Variants in KCNIP4 observed in about 807,000 individuals in gnomAD.
KCNIP4 encodes potassium voltage-gated channel interacting protein 4, also known as Kv channel-interacting protein 4.
A neutral mutation model predicts 34.0 loss-of-function variants in KCNIP4; 12 were observed. That is an observed-to-expected ratio of 0.35 (90% CI 0.23 to 0.57). The LOEUF is 0.57. Among genes scored for constraint, KCNIP4 ranks in the 20% least tolerant of loss-of-function variants. KCNIP4 has a pLI of 0.83. For missense variants in KCNIP4, 238 were observed against 311.7 expected (o/e 0.76, Z 1.78); for synonymous variants, 124 against 102.2 (o/e 1.21, Z -1.29).
At position 20,880,304 on chromosome 4, in the gene KCNIP4, T is replaced by G. The variant is rs556011042; in HGVS notation, c.163+2304A>C. ...ACATGAGAGACTTTTGCAAACATGA[T>G]AAACCATTCACCTTTCCAACCCTGG... On this transcript the variant is annotated intron_variant, in intron 2 of 8. Coordinates refer to ENST00000382152, the MANE Select transcript of KCNIP4 (RefSeq NM_025221.6). Among the ~76,000 whole-genome samples, 4 of 152,170 alleles carry G rather than the reference T, an allele frequency of 2.6e-5. No homozygotes were observed. The South Asian group carries it at 8.3e-4, about 32-fold the overall frequency.
At chr4:21,629,086 C>T (rs890274868) in intron 1 of KCNIP4, among the ~76,000 whole-genome samples, 2 of 152,074 alleles carry the variant, frequency 1.3e-5, no homozygotes, top group African/African-American at 4.8e-5. Flanking sequence ...TAGCAAGCCA[C>T]GAGAGGTAGG....
At chr4:21,239,447 A>C (rs1031704376) in intron 1 of KCNIP4, among the ~76,000 whole-genome samples, 21 of 151,820 alleles carry the variant, frequency 1.4e-4, no homozygotes, top group African/African-American at 4.8e-4. Context: ...CAACCTACAG[A>C]ATGGGAGAAA....
chr4:21,578,211 G>A (rs931193549), intron 1 of KCNIP4, among the ~76,000 whole-genome samples: 3 of 151,744 alleles, frequency 2.0e-5, no homozygotes, highest in Admixed American at 2.0e-4. Context: ...GCGGGCACCT[G>A]TAATCCCAGC....
At chr4:21,794,359 G>C (rs1468311958) in intron 1 of KCNIP4, among the ~76,000 whole-genome samples, 2 of 152,088 alleles carry the variant, frequency 1.3e-5, no homozygotes, top group African/African-American at 4.8e-5. Context: ...ATCCTGTCAG[G>C]GGCCACTTAC....
At chr4:20,937,375 T>C (rs1020060264) in intron 1 of KCNIP4, among the ~76,000 whole-genome samples, 3 of 151,438 alleles carry the variant, frequency 2.0e-5, no homozygotes, top group African/African-American at 7.3e-5. Flanking sequence ...GCTGGGACTA[T>C]AGGCGCCCGT....
At chr4:21,019,211 A>G (rs1739825311) in intron 1 of KCNIP4, among the ~76,000 whole-genome samples, 1 of 151,886 alleles carries the variant, frequency 6.6e-6, no homozygotes, top group Non-Finnish European at 1.5e-5. Context: ...GCTGGAGTGC[A>G]GTGGCGTGAT....
intron 3 of KCNIP4, among the ~76,000 whole-genome samples, chr4:20,826,589 A>AAAACAAACAAACAAAC (rs10687574): frequency 6.6e-6 from 1 of 150,838 alleles, no homozygotes; most frequent in African/African-American, 2.5e-5. Context: ...ACCTTGTCTC[A>AAAACAAACAAACAAAC]AAACAAACAA....
chr4:21,791,470 AAGG>A (rs1348573121), intron 1 of KCNIP4, among the ~76,000 whole-genome samples: 1 of 152,132 alleles, frequency 6.6e-6, no homozygotes, highest in African/African-American at 2.4e-5. Context: ...TGAAGAAGAA[AAGG>A]AGGAAGAATG....
chr4:21,226,950 C>T (rs938057434), intron 1 of KCNIP4, among the ~76,000 whole-genome samples: 5 of 152,216 alleles, frequency 3.3e-5, no homozygotes, highest in East Asian at 3.9e-4. Flanking sequence ...TCAAGTTTGA[C>T]CAGCCTCTGA....
intron 1 of KCNIP4, chr4:21,762,920 C>T (rs1486737990): frequency 7.8e-7 from 1 of 1,287,996 alleles, no homozygotes; most frequent in African/African-American, 1.5e-5. Flanking sequence ...GAAGGACTCA[C>T]ATGATGATCT....
intron 1 of KCNIP4, among the ~76,000 whole-genome samples, chr4:21,419,251 A>G (rs1725236996): frequency 1.3e-5 from 2 of 152,218 alleles, no homozygotes; most frequent in Non-Finnish European, 2.9e-5. Flanking sequence ...GTTTAATAAA[A>G]TAATGACCTA....
chr4:21,289,350 G>A (rs1489525628), intron 1 of KCNIP4, among the ~76,000 whole-genome samples: 2 of 152,038 alleles, frequency 1.3e-5, no homozygotes, highest in Non-Finnish European at 2.9e-5. Flanking sequence ...TTATTGTCGA[G>A]TATAGTCATC....
intron 1 of KCNIP4, among the ~76,000 whole-genome samples, chr4:21,147,939 CAAA>C (rs377562727): frequency 0.014 from 428 of 31,022 alleles, 7 homozygotes; most frequent in African/African-American, 0.047. Context: ...AACTCCGTCT[CAAA>C]AAAAAAAAAA....
chr4:20,932,975 G>A (rs1037988255), intron 1 of KCNIP4, among the ~76,000 whole-genome samples: 8 of 152,254 alleles, frequency 5.3e-5, no homozygotes, highest in African/African-American at 1.7e-4. Flanking sequence ...ACCAGGCACA[G>A]TGGCTCACAC....
chr4:20,874,236 T>C (rs940204894), intron 2 of KCNIP4, among the ~76,000 whole-genome samples: 12 of 152,170 alleles, frequency 7.9e-5, no homozygotes, highest in Non-Finnish European at 1.6e-4. Context: ...TATAACTAGT[T>C]AGTCACAGAA....
intron 3 of KCNIP4, among the ~76,000 whole-genome samples, chr4:20,836,955 C>G (rs1210530425): frequency 2.0e-5 from 3 of 151,998 alleles, no homozygotes; most frequent in African/African-American, 7.2e-5. Context: ...CTCCACCACA[C>G]TCTAATGTCT....
At chr4:20,927,004 C>T (rs1007591423) in intron 1 of KCNIP4, among the ~76,000 whole-genome samples, 8 of 152,142 alleles carry the variant, frequency 5.3e-5, no homozygotes, top group African/African-American at 9.6e-5. Flanking sequence ...GATGGAGTCT[C>T]GAGTCTCGCT....
At chr4:21,266,047 T>C (rs1761785482) in intron 1 of KCNIP4, among the ~76,000 whole-genome samples, 1 of 152,188 alleles carries the variant, frequency 6.6e-6, no homozygotes, top group African/African-American at 2.4e-5. Flanking sequence ...GTAGGTACTA[T>C]CAGTCCCATT....
chr4:20,916,983 G>GTT (rs1553915474), intron 1 of KCNIP4, among the ~76,000 whole-genome samples: 859 of 71,754 alleles, frequency 0.012, 212 homozygotes, highest in African/African-American at 0.014. Context: ...ACCATCTTAT[G>GTT]TTTATATATA....
Sources: gnomAD v4.1 joint callset for allele counts (sites outside exome capture counted in the v4.1 genomes callset) on GRCh38, gnomAD v4.1.1 for gene constraint, MANE v1.5 for transcripts, NCBI Gene and HGNC (gene_info 2026-07-23, HGNC 2026-07-21) for gene names.